Variants in MAST4 observed in about 807,000 individuals in gnomAD.
The protein encoded by MAST4 is microtubule associated serine/threonine kinase family member 4.
Under a neutral mutation model 162.7 loss-of-function variants are expected in MAST4, and 89 were observed. The observed-to-expected ratio is 0.55, with a 90% confidence interval of 0.46 to 0.65. The LOEUF is 0.65. MAST4 is among the 30% of genes least tolerant of loss of function. MAST4 has a pLI of 0.00. For missense variants in MAST4, 3,153 were observed against 3,374.0 expected (o/e 0.93, Z 1.62); for synonymous variants, 1,479 against 1,361.1 (o/e 1.09, Z -1.91).
chr5:66,686,207 A>G (rs1748645124), intron 1 of MAST4, among the ~76,000 whole-genome samples: 1 of 152,166 alleles, frequency 6.6e-6, no homozygotes, highest in Non-Finnish European at 1.5e-5. Context: ...CAGTTTCTTT[A>G]TCGGTAAATG....
rs552153249 is a variant in MAST4, at chr5:66,869,582, A to G, written c.643-30369A>G. On this transcript the variant is annotated intron_variant, in intron 3 of 28. Transcript: ENST00000403625. ...TATAACATTTCCTTTTTGAAAGGTA[A>G]GCATTATACTGTGAACGCCGAAGCA... is the stretch of plus-strand genomic sequence containing the variant. Among the ~76,000 whole-genome samples the G allele has an allele frequency of 1.4e-4, 21 of 152,342 alleles. No homozygotes were observed. In the South Asian group the frequency reaches 2.9e-3, roughly 21 times the overall value.
chr5:67,006,841 A>C (rs1561525488), intron 4 of MAST4, among the ~76,000 whole-genome samples: 1 of 152,154 alleles, frequency 6.6e-6, no homozygotes, highest in Non-Finnish European at 1.5e-5. Context: ...CTTCCCAGTA[A>C]AATGGGAGAG....
intron 3 of MAST4, among the ~76,000 whole-genome samples, chr5:66,891,604 C>G (rs541393978): frequency 5.5e-4 from 83 of 152,168 alleles, no homozygotes; most frequent in Non-Finnish European, 9.1e-4. Context: ...ATACTCCTGT[C>G]CTGCTGATTT....
At chr5:66,675,178 C>G (rs1360829852) in intron 1 of MAST4, among the ~76,000 whole-genome samples, 1 of 152,194 alleles carries the variant, frequency 6.6e-6, no homozygotes, top group East Asian at 1.9e-4. Context: ...TGTCTGTGCT[C>G]TAGCTGCCTG....
chr5:66,771,982 C>T (rs983746408), intron 2 of MAST4, among the ~76,000 whole-genome samples: 28 of 152,184 alleles, frequency 1.8e-4, no homozygotes, highest in African/African-American at 5.8e-4. Context: ...GATCCATGCT[C>T]ATCTTCTCAG....
At position 67,145,372 on chromosome 5, in the gene MAST4, C is replaced by G. The variant is rs535085554; in HGVS notation, c.3087C>G (p.Thr1029=). The G allele has an allele frequency of 1.2e-6, 2 of 1,612,508 alleles. No individual in the cohort carries two copies. Among genetic ancestry groups the G allele is most frequent in the African/African-American group, 2.7e-5 (2 of 74,994 alleles). Residue 1029 remains threonine, a synonymous_variant, in exon 23 of 29, where the codon ACC becomes ACG. Transcript: ENST00000403625. ...TTPASTISSS[T]LSVGSFSEHL... The stretch of plus-strand genomic sequence containing the variant: ...CAGCCAGCACCATCAGCAGCTCCAC[C>G]CTGTCAGGTAAGCCCCGGGCCATAG...
intron 1 of MAST4, among the ~76,000 whole-genome samples, chr5:66,603,977 T>C (rs1742715173): frequency 6.6e-6 from 1 of 152,252 alleles, no homozygotes; most frequent in South Asian, 2.1e-4. Flanking sequence ...CAACAGCTGC[T>C]GCGCATTTGT....
intron 1 of MAST4, among the ~76,000 whole-genome samples, chr5:66,659,478 TTAA>T (rs1263873118): frequency 6.6e-6 from 1 of 152,238 alleles, no homozygotes; most frequent in Non-Finnish European, 1.5e-5. Context: ...AAAGCTGGTC[TTAA>T]TATCCAGAGT....
chr5:66,958,957 TAA>T (rs397965332), intron 4 of MAST4: 5,650 of 300,566 alleles, frequency 0.019, 1 homozygote, highest in East Asian at 0.029. Context: ...CGACTTTCTT[TAA>T]AAAAAAAAAA....
At chr5:66,847,957 T>TA (rs769111945) in intron 3 of MAST4, among the ~76,000 whole-genome samples, 9 of 152,136 alleles carry the variant, frequency 5.9e-5, no homozygotes, top group Admixed American at 3.3e-4. Flanking sequence ...ATCAAGTTCT[T>TA]ACAGCCACTG....
chr5:66,704,330 T>C (rs1386996723), intron 1 of MAST4, among the ~76,000 whole-genome samples: 1 of 152,102 alleles, frequency 6.6e-6, no homozygotes, highest in Non-Finnish European at 1.5e-5. Context: ...ACTACTTCAT[T>C]GGGTGCATAT....
At chr5:66,685,746 T>C (rs1256650815) in intron 1 of MAST4, among the ~76,000 whole-genome samples, 1 of 152,086 alleles carries the variant, frequency 6.6e-6, no homozygotes, top group African/African-American at 2.4e-5. Context: ...AAAGTTTGCT[T>C]CAGAAGAAAG....
intron 4 of MAST4, among the ~76,000 whole-genome samples, chr5:66,982,822 C>T (rs918729219): frequency 2.0e-5 from 3 of 152,172 alleles, no homozygotes; most frequent in Admixed American, 2.0e-4. Context: ...GCAATTTGTT[C>T]GAAGGAGGTT....
At chr5:66,969,693 C>A (rs996699684) in intron 4 of MAST4, among the ~76,000 whole-genome samples, 1 of 152,182 alleles carries the variant, frequency 6.6e-6, no homozygotes, top group Non-Finnish European at 1.5e-5. Context: ...GGGCAGACAT[C>A]ATAGGCATTT....
chr5:67,086,585 G>A (rs1370400140), intron 5 of MAST4, among the ~76,000 whole-genome samples: 3 of 152,170 alleles, frequency 2.0e-5, no homozygotes, highest in East Asian at 1.9e-4. Context: ...CATCAGCAGC[G>A]ATACCAGCAG....
rs186930668 is a variant in MAST4, at chr5:66,788,842, T to C, written c.642+48T>C. Reference sequence around the variant, plus strand: ...GGAGGCTGCTCCAGCTCACCACCTCTCTAGGGACAATTTAAGTTAATTGAG... The same window carrying C: ...GGAGGCTGCTCCAGCTCACCACCTCCCTAGGGACAATTTAAGTTAATTGAG... On this transcript the variant is annotated intron_variant, in intron 3 of 28. Transcript: ENST00000403625. 445 of 1,493,700 alleles carry C rather than the reference T, an allele frequency of 3.0e-4. 4 individuals are homozygous for C. In the African/African-American group the frequency reaches 5.2e-3, roughly 18 times the overall value. 92.5% of individuals were successfully genotyped at this position (1,493,700 alleles called of 1,614,324 possible). A position where few individuals can be genotyped will look rare whatever the true frequency, so the allele number is the denominator to read the frequency against.
Position 67,165,279 on chromosome 5 carries a change from A to G in MAST4, c.6100A>G (p.Lys2034Glu). ...DFYTQTQAME[K>E]AWAPGGKTNH... is the part of the protein sequence containing the mutation. Reference sequence around the variant, plus strand: ...CTATACACAGACCCAGGCCATGGAGAAAGCATGGGCGCCGGGTGGGAAAAC... The same window carrying G: ...CTATACACAGACCCAGGCCATGGAGGAAGCATGGGCGCCGGGTGGGAAAAC... The change falls in exon 29 of 29, where the codon AAA becomes GAA. Residue 2034 changes from lysine (K) to glutamate (E), a missense_variant. Lys to Glu is a moderately conservative substitution (Grantham distance 56, BLOSUM62 1). This residue lies in a region of MAST4 where 1,644 missense variants were observed against 1,495.0 expected (regional missense o/e 1.10). Coordinates refer to ENST00000403625, the MANE Select transcript of MAST4 (RefSeq NM_001164664.2). The G allele has an allele frequency of 1.2e-6, 2 of 1,613,408 alleles. No individual in the cohort carries two copies. Among genetic ancestry groups the G allele is most frequent in the South Asian group, 1.1e-5 (1 of 91,072 alleles).
intron 3 of MAST4, among the ~76,000 whole-genome samples, chr5:66,888,145 T>G (rs1561416619): frequency 6.6e-6 from 1 of 152,242 alleles, no homozygotes; most frequent in Non-Finnish European, 1.5e-5. Flanking sequence ...GATATATATC[T>G]TCTATAAGCT....
At chr5:66,940,561 C>T (rs1005169488) in intron 4 of MAST4, among the ~76,000 whole-genome samples, 7 of 152,162 alleles carry the variant, frequency 4.6e-5, no homozygotes, top group African/African-American at 1.7e-4. Flanking sequence ...CCATAAGAAG[C>T]AACTCTTCAT....
Sources: allele counts gnomAD v4.1 joint callset (sites outside exome capture counted in the v4.1 genomes callset), GRCh38; gene constraint gnomAD v4.1.1; regional missense constraint gnomAD v4.1.1; transcripts MANE v1.5; gene names NCBI Gene and HGNC (gene_info 2026-07-23, HGNC 2026-07-21).